The following LHPP variants were observed in gnomAD, a reference collection of about 807,000 sequenced individuals.
LHPP encodes hLHPP.
LHPP carries 24 observed loss-of-function variants against 30.3 expected under a neutral mutation model. That is an observed-to-expected ratio of 0.79 (90% confidence interval 0.57 to 1.11). The LOEUF (loss-of-function observed/expected upper bound fraction) is 1.11. LHPP is among the 50% of genes most tolerant of loss of function. The pLI is 0.00. For synonymous variants in LHPP, 150 were observed against 157.1 expected (o/e 0.95, Z 0.34); for missense variants, 356 against 367.2 (o/e 0.97, Z 0.25).
At chr10:124,527,225 A>T (rs1954765150) in intron 6 of LHPP, among the ~76,000 whole-genome samples, 1 of 152,050 alleles carries the variant, frequency 6.6e-6, no homozygotes, top group African/African-American at 2.4e-5. Flanking sequence ...AGCATTCACC[A>T]TTGCTGCTGT....
intron 6 of LHPP, among the ~76,000 whole-genome samples, chr10:124,530,054 C>T (rs1012106160): frequency 2.6e-5 from 4 of 152,144 alleles, no homozygotes; most frequent in Middle Eastern, 3.2e-3. Flanking sequence ...CGTCCAAGCC[C>T]GTCTGCCCTG....
intron 3 of LHPP, chr10:124,490,056 G>C (rs1799991732): frequency 5.8e-6 from 1 of 172,286 alleles, no homozygotes; most frequent in Non-Finnish European, 1.2e-5. Context: ...CCATCTGTGG[G>C]TGTCCATCTC....
At chr10:124,574,060 C>T (rs999220245) in intron 6 of LHPP, among the ~76,000 whole-genome samples, 7 of 152,132 alleles carry the variant, frequency 4.6e-5, no homozygotes, top group South Asian at 4.1e-4. Context: ...CCAGGGGACA[C>T]GAAGCCCTGG....
intron 6 of LHPP, among the ~76,000 whole-genome samples, chr10:124,543,807 C>T (rs1955264962): frequency 6.6e-6 from 1 of 151,956 alleles, no homozygotes; most frequent in East Asian, 1.9e-4. Context: ...ATAAGAAATG[C>T]ATGCCTTCTT....
rs117019897 is a variant in LHPP at position 124,567,464 on chromosome 10, A to T, written c.717-45800A>T. On this transcript the variant is annotated intron_variant, in intron 6 of 6. Transcript: ENST00000368842. ...AGTGGGAATAAATAAGAGAGTAGAA[A>T]ACGTAAGTGAGGTTCTTGTCTGGCC... 7.6e-3 allele frequency among the ~76,000 whole-genome samples: 1,160 copies of T among 152,334 alleles called. 9 individuals carry two copies. The highest frequency in any genetic ancestry group is 0.012 in the Non-Finnish European group (806 of 68,024).
At chr10:124,581,290 A>G (rs1439829247) in intron 6 of LHPP, among the ~76,000 whole-genome samples, 1 of 152,114 alleles carries the variant, frequency 6.6e-6, no homozygotes, top group Non-Finnish European at 1.5e-5. Context: ...ACAGTTATTT[A>G]TTCATTCCTG....
chr10:124,571,322 A>G (rs1261170755), intron 6 of LHPP, among the ~76,000 whole-genome samples: 1 of 152,194 alleles, frequency 6.6e-6, no homozygotes. Context: ...TTGGATATAT[A>G]CCTAGTTGTG....
intron 1 of LHPP, among the ~76,000 whole-genome samples, chr10:124,474,341 C>T (rs574361436): frequency 2.6e-5 from 4 of 151,930 alleles, no homozygotes; most frequent in East Asian, 3.9e-4. Context: ...GGTTTTGCCA[C>T]GTTGCCCAGG....
At chr10:124,557,351 C>G (rs1254754959) in intron 6 of LHPP, among the ~76,000 whole-genome samples, 1 of 152,200 alleles carries the variant, frequency 6.6e-6, no homozygotes, top group African/African-American at 2.4e-5. Flanking sequence ...GCCTGGCACT[C>G]AGTAGTGCTC....
In LHPP at chr10:124,496,115, C is replaced by A. The variant is rs755180628; in HGVS notation, c.468-846C>A. On this transcript the variant is annotated intron_variant, in intron 3 of 6. Transcript: ENST00000368842. This position sits in a 1 kb window ranked among gnomAD's most constrained non-coding sequence, Gnocchi z 4.3. ...AAAACATTTTAGTGGTTCCAAGAAT[C>A]AAGCCCCCTTGTGTATTCTTGGCTT... 2.0e-5 allele frequency among the ~76,000 whole-genome samples: 3 copies of A among 151,992 alleles called. No homozygotes were observed. Among genetic ancestry groups the A allele is most frequent in the Non-Finnish European group, 2.9e-5 (2 of 68,010 alleles).
intron 6 of LHPP, among the ~76,000 whole-genome samples, chr10:124,563,308 T>TCTTA (rs34347060): frequency 0.63 from 92,275 of 145,458 alleles, 29,535 homozygotes; most frequent in Middle Eastern, 0.69. Flanking sequence ...TCTCTCTCTC[T>TCTTA]TTTTCTTTTT....
intron 6 of LHPP, among the ~76,000 whole-genome samples, chr10:124,597,275 T>A (rs1948957053): frequency 6.6e-6 from 1 of 152,316 alleles, no homozygotes; most frequent in Non-Finnish European, 1.5e-5. Context: ...AAACTCCCTT[T>A]CATGTATAGA....
intron 5 of LHPP, among the ~76,000 whole-genome samples, chr10:124,503,223 C>T (rs1397658367): frequency 2.0e-5 from 3 of 151,056 alleles, no homozygotes; most frequent in Non-Finnish European, 4.4e-5. Context: ...TGTGCCACCA[C>T]GCCCATCTAA....
chr10:124,536,608 T>C (rs1384797612), intron 6 of LHPP, among the ~76,000 whole-genome samples: 1 of 152,180 alleles, frequency 6.6e-6, no homozygotes, highest in Non-Finnish European at 1.5e-5. Context: ...CTGAGGGCTC[T>C]GTGAGCCAGA....
intron 3 of LHPP, among the ~76,000 whole-genome samples, chr10:124,491,628 C>T (rs1554881410): frequency 6.6e-6 from 1 of 152,200 alleles, no homozygotes; most frequent in Non-Finnish European, 1.5e-5. Context: ...TTTGCCCACA[C>T]AAGCCTTAAA....
At chr10:124,568,116 G>A (rs959328830) in intron 6 of LHPP, among the ~76,000 whole-genome samples, 1 of 152,030 alleles carries the variant, frequency 6.6e-6, no homozygotes, top group Non-Finnish European at 1.5e-5. Flanking sequence ...GGGTTTCACC[G>A]TGTTGGCTAG....
At chr10:124,535,995 C>T (rs537406894) in intron 6 of LHPP, among the ~76,000 whole-genome samples, 4 of 152,364 alleles carry the variant, frequency 2.6e-5, no homozygotes, top group Non-Finnish European at 4.4e-5. Flanking sequence ...GCAGGATTCC[C>T]CTGGGCTGGG....
chr10:124,506,950 A>G (rs1589807776), intron 5 of LHPP, among the ~76,000 whole-genome samples: 1 of 17,632 alleles, frequency 5.7e-5, no homozygotes, highest in Non-Finnish European at 1.0e-4. Context: ...GGGGGTAGGG[A>G]GGATTTCAGG....
intron 6 of LHPP, among the ~76,000 whole-genome samples, chr10:124,518,212 A>G (rs1954511041): frequency 6.6e-6 from 1 of 152,198 alleles, no homozygotes; most frequent in South Asian, 2.1e-4. Flanking sequence ...GCTACCTCCC[A>G]GACCCTCCCA....
Sources: gnomAD v4.1 joint callset for allele counts (sites outside exome capture counted in the v4.1 genomes callset) on GRCh38, gnomAD v4.1.1 for gene constraint, Gnocchi (gnomAD v3.1) non-coding constraint, MANE v1.5 for transcripts, NCBI Gene and HGNC (gene_info 2026-07-23, HGNC 2026-07-21) for gene names.